Variants in GABRB1 observed in about 807,000 individuals in gnomAD.
The protein encoded by GABRB1 is gamma-aminobutyric acid receptor subunit beta-1.
GABRB1 carries 17 observed loss-of-function variants against 51.6 expected under a neutral mutation model. The observed-to-expected ratio is 0.33, with a 90% confidence interval of 0.23 to 0.49. The LOEUF (loss-of-function observed/expected upper bound fraction) is 0.49. Among genes scored for constraint, GABRB1 ranks in the 20% least tolerant of loss-of-function variants. The probability of loss-of-function intolerance (pLI) is 0.99; values close to 1 mark genes in which losing one functional copy is unlikely to be tolerated. For missense variants in GABRB1, 410 were observed against 600.6 expected (o/e 0.68, Z 3.32); for synonymous variants, 247 against 218.9 (o/e 1.13, Z -1.14).
intron 3 of GABRB1, among the ~76,000 whole-genome samples, chr4:47,103,251 G>A (rs1007869366): frequency 8.6e-5 from 13 of 151,976 alleles, no homozygotes; most frequent in Non-Finnish European, 5.9e-5. Flanking sequence ...TTTATATTCT[G>A]AAGTCCTTGT....
intron 1 of GABRB1, among the ~76,000 whole-genome samples, chr4:47,007,996 G>A (rs1440846040): frequency 1.3e-5 from 2 of 151,744 alleles, no homozygotes; most frequent in African/African-American, 4.8e-5. Context: ...GTGAAGAGAA[G>A]TATAGAGACA....
chr4:47,030,344 C>G (rs1577838897), upstream of GABRB1, among the ~76,000 whole-genome samples: 1 of 151,790 alleles, frequency 6.6e-6, no homozygotes, highest in East Asian at 1.9e-4. Context: ...TAGGGAAATA[C>G]TAAGAATATG....
At chr4:47,347,179 A>G (rs10007941) in intron 5 of GABRB1, among the ~76,000 whole-genome samples, 151,771 of 152,150 alleles carry the variant, frequency 1, 75,697 homozygotes, top group East Asian at 1. Flanking sequence ...CTACTTGGGA[A>G]CCTGAGGCAT....
At chr4:47,172,440 T>C (rs930482476) in intron 4 of GABRB1, among the ~76,000 whole-genome samples, 1 of 152,032 alleles carries the variant, frequency 6.6e-6, no homozygotes, top group African/African-American at 2.4e-5. Context: ...AAAACACATT[T>C]TGAGAAGAAA....
chr4:47,018,676 A>G (rs893056428), intron 1 of GABRB1, among the ~76,000 whole-genome samples: 5 of 152,196 alleles, frequency 3.3e-5, no homozygotes, highest in Non-Finnish European at 7.3e-5. Context: ...GCATTCTTAC[A>G]CTAAAATAAG....
intron 4 of GABRB1, among the ~76,000 whole-genome samples, chr4:47,273,864 TACACACACAC>T (rs5858061): frequency 1.1e-4 from 13 of 122,418 alleles, no homozygotes; most frequent in African/African-American, 3.6e-4. Context: ...CATATATACA[TACACACACAC>T]ACACACACAC....
At chr4:47,384,391 GT>G (rs74756982) in intron 5 of GABRB1, among the ~76,000 whole-genome samples, 1 of 147,650 alleles carries the variant, frequency 6.8e-6, no homozygotes, top group East Asian at 2.0e-4. Context: ...GAATTTCTCA[GT>G]GAAAAGTGAC....
chr4:47,037,657 T>A (rs915719216), intron 3 of GABRB1, among the ~76,000 whole-genome samples: 17 of 151,462 alleles, frequency 1.1e-4, no homozygotes, highest in African/African-American at 3.6e-4. Flanking sequence ...GATTGCAGAA[T>A]CAGACTGGGT....
intron 4 of GABRB1, among the ~76,000 whole-genome samples, chr4:47,206,994 C>T (rs1578001176): frequency 1.3e-5 from 2 of 151,810 alleles, no homozygotes; most frequent in South Asian, 2.1e-4. Flanking sequence ...GACATTTTAT[C>T]TTCTGTTAAT....
intron 5 of GABRB1, among the ~76,000 whole-genome samples, chr4:47,357,728 G>A (rs981423822): frequency 6.6e-6 from 1 of 152,112 alleles, no homozygotes; most frequent in Non-Finnish European, 1.5e-5. Context: ...GCTGCAGTGA[G>A]GTATTCCTGA....
At chr4:47,191,696 CA>C (rs533841327) in intron 4 of GABRB1, among the ~76,000 whole-genome samples, 279 of 151,570 alleles carry the variant, frequency 1.8e-3, no homozygotes, top group African/African-American at 6.5e-3. Context: ...TATTCATCAG[CA>C]CAGGAAAAAA....
chr4:47,112,383 C>T (rs909491820), intron 3 of GABRB1, among the ~76,000 whole-genome samples: 25 of 152,290 alleles, frequency 1.6e-4, no homozygotes, highest in African/African-American at 4.1e-4. Flanking sequence ...GGATTACAGG[C>T]GTGAGCCGCC....
intron 3 of GABRB1, among the ~76,000 whole-genome samples, chr4:47,034,301 C>A (rs558592374): frequency 6.6e-6 from 1 of 152,046 alleles, no homozygotes; most frequent in East Asian, 1.9e-4. Context: ...GAAGTTGCTG[C>A]AATCAACAAC....
chr4:47,033,850 A>C (rs947723331), intron 3 of GABRB1, among the ~76,000 whole-genome samples: 6 of 152,180 alleles, frequency 3.9e-5, no homozygotes, highest in Non-Finnish European at 8.8e-5. Flanking sequence ...TGGAAAAAGA[A>C]ACTCAATTTT....
intron 3 of GABRB1, among the ~76,000 whole-genome samples, chr4:47,056,152 C>A (rs1271044320): frequency 6.6e-6 from 1 of 152,060 alleles, no homozygotes; most frequent in Non-Finnish European, 1.5e-5. Context: ...GTACGTCCTG[C>A]CCTCATTGAA....
At chr4:47,078,689 T>C (rs1181216711) in intron 3 of GABRB1, among the ~76,000 whole-genome samples, 1 of 152,214 alleles carries the variant, frequency 6.6e-6, no homozygotes, top group Non-Finnish European at 1.5e-5. Context: ...CTTTTTCAGC[T>C]CTAACATCCT....
intron 3 of GABRB1, among the ~76,000 whole-genome samples, chr4:47,151,437 T>C (rs1328490805): frequency 1.3e-5 from 2 of 152,048 alleles, no homozygotes; most frequent in Admixed American, 1.3e-4. Flanking sequence ...TAATGTGGGT[T>C]TTGATATAAA....
At chr4:47,350,152 A>G (rs1726256552) in intron 5 of GABRB1, among the ~76,000 whole-genome samples, 1 of 139,112 alleles carries the variant, frequency 7.2e-6, no homozygotes, top group Admixed American at 7.6e-5. Flanking sequence ...TTATTTTCTG[A>G]TTATTTAAAA....
chr4:47,072,444 G>T (rs939240979), intron 3 of GABRB1, among the ~76,000 whole-genome samples: 1 of 152,170 alleles, frequency 6.6e-6, no homozygotes, highest in Non-Finnish European at 1.5e-5. Context: ...GCTACCAAAG[G>T]CTGTTGCTAC....
Sources: gnomAD v4.1 joint callset for allele counts (sites outside exome capture counted in the v4.1 genomes callset) on GRCh38, gnomAD v4.1.1 for gene constraint, MANE v1.5 for transcripts, NCBI Gene and HGNC (gene_info 2026-07-23, HGNC 2026-07-21) for gene names.